The following JMJD1C variants were observed in gnomAD, a reference collection of about 807,000 sequenced individuals.
JMJD1C encodes the protein jumonji domain containing 1C.
In JMJD1C, 31 loss-of-function variants were observed where a neutral mutation model predicts 245.3. The ratio of observed to expected loss-of-function variants is 0.13; its 90% CI spans 0.09 to 0.17. JMJD1C has a LOEUF of 0.17. JMJD1C is among the 10% of genes least tolerant of loss of function. The pLI, the probability that JMJD1C is intolerant of heterozygous loss-of-function variation, is 1.00. For synonymous variants in JMJD1C, 1,057 were observed against 1,017.4 expected, an observed-to-expected ratio of 1.04 and a Z score of -0.74; for missense variants, 2,691 against 3,000.2, an observed-to-expected ratio of 0.90 and a Z score of 2.41.
At chr10:63,445,348 A>G (rs186525311) in intron 1 of JMJD1C, among the ~76,000 whole-genome samples, 53 of 152,340 alleles carry the variant, frequency 3.5e-4, no homozygotes, top group Admixed American at 5.2e-4. Context: ...TTCAAAGAAG[A>G]CCAAAATGAG....
chr10:63,492,157 G>A (rs542951782), intron 1 of JMJD1C, among the ~76,000 whole-genome samples: 5 of 152,228 alleles, frequency 3.3e-5, no homozygotes, highest in East Asian at 3.9e-4. Flanking sequence ...CCTCAGCCCC[G>A]GAAGCAGCTG....
rs527311339 is a variant in JMJD1C at position 63,183,463 on chromosome 10, G to T, written c.7068C>A (p.Gly2356=). Residue 2356 remains glycine, a synonymous_variant, in exon 22 of 26, where the codon GGC becomes GGA. Coordinates refer to ENST00000399262, the MANE Select transcript of JMJD1C (RefSeq NM_032776.3). Reference sequence around the variant, plus strand: ...TAAGTTTACCTGCTTTTGAGAGAATGCCATTTCCTTTTGCTATGCCAACAT... The same window carrying T: ...TAAGTTTACCTGCTTTTGAGAGAATTCCATTTCCTTTTGCTATGCCAACAT... ...LVYVGIAKGN[G]ILSKAGILKK... 6 of 1,603,596 alleles carry T rather than the reference G, an allele frequency of 3.7e-6. No individual in the cohort carries two copies. In the African/African-American group the frequency reaches 4.0e-5, roughly 11 times the overall value.
chr10:63,268,217 T>A (rs1589341393), intron 2 of JMJD1C, among the ~76,000 whole-genome samples: 1 of 118,070 alleles, frequency 8.5e-6, no homozygotes, highest in Non-Finnish European at 1.7e-5. Flanking sequence ...TTTTAGAAGT[T>A]AAGATTTAGT....
rs1016067685 is a variant in JMJD1C at position 63,368,953 on chromosome 10, T to C, written c.333+11365A>G. ...ATGAATCATCACGCCCAGCCCCTTA[T>C]AGAAATCAATCTTATAATACTGATA... is the stretch of plus-strand genomic sequence containing the variant. On this transcript the variant is annotated intron_variant, in intron 2 of 25. Coordinates refer to ENST00000399262, the MANE Select transcript of JMJD1C (RefSeq NM_032776.3). Among the ~76,000 whole-genome samples the C allele has an allele frequency of 8.6e-5, 13 of 151,914 alleles. 1 individual carries two copies. In the South Asian group the frequency reaches 1.0e-3, roughly 12 times the overall value.
At chr10:63,483,330 T>C (rs994252385) in intron 1 of JMJD1C, among the ~76,000 whole-genome samples, 1 of 152,224 alleles carries the variant, frequency 6.6e-6, no homozygotes, top group African/African-American at 2.4e-5. Context: ...AGTTTCCAAG[T>C]GAGCGGTTGC....
chr10:63,217,332 C>A lies in JMJD1C; in HGVS notation c.554-1G>T. On this transcript the variant is annotated splice_acceptor_variant, in intron 4 of 25. Transcript: ENST00000399262. LOFTEE classifies it high-confidence loss of function. ...CTGTATCCATTTAAGGAATAAGGAC[C>A]TTAAAAAAAACACAAGAAACAGAAA... is the stretch of plus-strand genomic sequence containing the variant. 1.9e-6 allele frequency: 3 copies of A among 1,554,132 alleles called. No individual in the cohort carries two copies. The highest frequency in any genetic ancestry group is 1.7e-6 in the Non-Finnish European group (2 of 1,154,902).
intron 1 of JMJD1C, among the ~76,000 whole-genome samples, chr10:63,392,054 T>C (rs1327782094): frequency 6.6e-6 from 1 of 152,166 alleles, no homozygotes; most frequent in Non-Finnish European, 1.5e-5. Flanking sequence ...TCAGTTACAA[T>C]TTTGCAAACA....
chr10:63,184,478 G>A (rs1439027167), intron 21 of JMJD1C, 130 bp downstream of exon 21: 6 of 727,770 alleles, frequency 8.2e-6, no homozygotes, highest in South Asian at 2.2e-5. Context: ...TCCTGACCTC[G>A]TGATTCACCC....
At chr10:63,216,242 C>T (rs533663798) in intron 5 of JMJD1C, among the ~76,000 whole-genome samples, 1 of 152,024 alleles carries the variant, frequency 6.6e-6, no homozygotes, top group Non-Finnish European at 1.5e-5. Context: ...ACATTTTAAC[C>T]AAAGTATTTG....
At chr10:63,462,010 T>C (rs1952830666) in intron 1 of JMJD1C, among the ~76,000 whole-genome samples, 1 of 152,082 alleles carries the variant, frequency 6.6e-6, no homozygotes, top group Non-Finnish European at 1.5e-5. Context: ...TCTAGAAAAA[T>C]TCCTCAAAAA....
chr10:63,168,138 A>G lies in JMJD1C; in HGVS notation c.7534-4T>C, dbSNP rs1197813515. The G allele has an allele frequency of 6.3e-7, 1 of 1,575,204 alleles. No individual in the cohort carries two copies. Among genetic ancestry groups the G allele is most frequent in the Non-Finnish European group, 8.7e-7 (1 of 1,146,366 alleles). On this transcript the variant is annotated splice_region_variant and splice_polypyrimidine_tract_variant and intron_variant, in intron 25 of 25. Coordinates refer to ENST00000399262, the MANE Select transcript of JMJD1C (RefSeq NM_032776.3). ...CATGATACAAAATATTTTTAACCTG[A>G]AAGAGATGTTGATATTTCTAATCAC...
At chr10:63,493,610 A>G (rs1954251757) in intron 1 of JMJD1C, among the ~76,000 whole-genome samples, 1 of 152,056 alleles carries the variant, frequency 6.6e-6, no homozygotes, top group South Asian at 2.1e-4. Context: ...TAAAATTTTA[A>G]ATCTGTTAAT....
chr10:63,494,602 T>C (rs911279784), intron 1 of JMJD1C, among the ~76,000 whole-genome samples: 1 of 152,210 alleles, frequency 6.6e-6, no homozygotes, highest in African/African-American at 2.4e-5. Context: ...GCAGTATCCA[T>C]AAGAAAAACT....
intron 3 of JMJD1C, among the ~76,000 whole-genome samples, chr10:63,235,667 T>C (rs1850648940): frequency 6.6e-6 from 1 of 152,222 alleles, no homozygotes. Flanking sequence ...TCACAAAGAT[T>C]AACCTCATTT....
intron 2 of JMJD1C, among the ~76,000 whole-genome samples, chr10:63,276,873 G>C (rs923808201): frequency 7.3e-6 from 1 of 136,712 alleles, no homozygotes; most frequent in Non-Finnish European, 1.5e-5. Context: ...GGAAGGAATA[G>C]AAGCTTGGGG....
In JMJD1C at chr10:63,357,408, C is replaced by T. The variant is rs1056734834; in HGVS notation, c.333+22910G>A. On this transcript the variant is annotated intron_variant, in intron 2 of 25. Transcript: ENST00000399262. Reference sequence around the variant, plus strand: ...GCAACCTACGCCTCCCAGGTTCAAGCGATTCTCCTGACTCAGCTTCCTCAG... The same window carrying T: ...GCAACCTACGCCTCCCAGGTTCAAGTGATTCTCCTGACTCAGCTTCCTCAG... Among the ~76,000 whole-genome samples the T allele has an allele frequency of 2.0e-5, 3 of 152,050 alleles. No homozygotes were observed. In the South Asian group the frequency reaches 6.2e-4, roughly 32 times the overall value.
intron 1 of JMJD1C, among the ~76,000 whole-genome samples, chr10:63,455,821 C>T (rs1196105351): frequency 1.3e-5 from 2 of 151,758 alleles, no homozygotes; most frequent in African/African-American, 4.8e-5. Context: ...TCCAAGACAC[C>T]AAAGAAAGCA....
intron 1 of JMJD1C, among the ~76,000 whole-genome samples, chr10:63,454,427 T>G (rs1476407012): frequency 2.0e-5 from 3 of 151,750 alleles, no homozygotes; most frequent in African/African-American, 7.3e-5. Flanking sequence ...CCAGCTAATT[T>G]TTTTGTTGTT....
intron 1 of JMJD1C, among the ~76,000 whole-genome samples, chr10:63,399,575 G>A (rs1948726159): frequency 6.6e-6 from 1 of 151,846 alleles, no homozygotes; most frequent in African/African-American, 2.4e-5. Flanking sequence ...CATTTACTTT[G>A]TCACACAATA....
Sources: gnomAD v4.1 joint callset for allele counts (sites outside exome capture counted in the v4.1 genomes callset) on GRCh38, gnomAD v4.1.1 for gene constraint, MANE v1.5 for transcripts, NCBI Gene and HGNC (gene_info 2026-07-23, HGNC 2026-07-21) for gene names.